The following ERBIN variants were observed in gnomAD, a reference collection of about 807,000 sequenced individuals.
ERBIN encodes erbb2 interacting protein, also known as densin-180-like protein.
A neutral mutation model predicts 158.4 loss-of-function variants in ERBIN; 60 were observed. The ratio of observed to expected loss-of-function variants is 0.38; its 90% CI spans 0.31 to 0.47. The LOEUF (loss-of-function observed/expected upper bound fraction) is 0.47. Among genes scored for constraint, ERBIN ranks in the 20% least tolerant of loss-of-function variants. The pLI is 0.99. For synonymous variants in ERBIN, 594 were observed against 557.2 expected (o/e 1.07, Z -0.93); for missense variants, 1,610 against 1,648.0 (o/e 0.98, Z 0.40).
rs572127963 is a variant in ERBIN at position 66,070,199 on chromosome 5, C to G, written c.3634-1970C>G. 5.9e-5 allele frequency among the ~76,000 whole-genome samples: 9 copies of G among 152,178 alleles called. No individual in the cohort carries two copies. In the East Asian group the frequency reaches 1.4e-3, roughly 23 times the overall value. On this transcript the variant is annotated intron_variant, in intron 21 of 25. Transcript: ENST00000284037. ...AGCTGGGATTACAGGTGCGCACCAC[C>G]ACACCCGGCTAATTTTTGCATTTTT...
chr5:65,998,230 A>AT (rs1257213899), intron 4 of ERBIN, among the ~76,000 whole-genome samples: 177 of 149,642 alleles, frequency 1.2e-3, no homozygotes, highest in African/African-American at 4.2e-3. Flanking sequence ...TCTCAAAAAA[A>AT]AATATATATA....
At chr5:65,947,204 T>C (rs962224199) in intron 1 of ERBIN, among the ~76,000 whole-genome samples, 1 of 152,186 alleles carries the variant, frequency 6.6e-6, no homozygotes, top group African/African-American at 2.4e-5. Flanking sequence ...TATGCATTTT[T>C]CTGAAAGTTT....
intron 9 of ERBIN, 143 bp from the exon 10 acceptor site, chr5:66,024,163 G>A (rs755345929): frequency 2.5e-5 from 14 of 551,512 alleles, no homozygotes; most frequent in Non-Finnish European, 4.4e-5. Context: ...ATTTCTAATG[G>A]CATTTAAAAA....
Position 65,945,930 on chromosome 5 carries a change from G to A in ERBIN, c.-58+19124G>A, listed in dbSNP as rs551633448. On this transcript the variant is annotated intron_variant, in intron 1 of 25. Transcript: ENST00000284037. The stretch of plus-strand genomic sequence containing the variant: ...TTCACAACCAGGATATTGGAATTTT[G>A]GTAGTCAAGATACAGAATAGTTCCA... 3.3e-5 allele frequency among the ~76,000 whole-genome samples: 5 copies of A among 152,244 alleles called. No individual in the cohort carries two copies. In the South Asian group the frequency reaches 1.0e-3, roughly 32 times the overall value.
At chr5:66,036,581 C>T (rs1252128164) in intron 14 of ERBIN, among the ~76,000 whole-genome samples, 3 of 152,072 alleles carry the variant, frequency 2.0e-5, no homozygotes, top group Admixed American at 6.6e-5. Flanking sequence ...CCCTGTCTAC[C>T]CTGTAATTTC....
intron 17 of ERBIN, among the ~76,000 whole-genome samples, 199 bp downstream of exon 17, chr5:66,044,509 A>G (rs1013871399): frequency 1.3e-5 from 2 of 151,986 alleles, no homozygotes; most frequent in African/African-American, 2.4e-5. Flanking sequence ...TCACACCTCT[A>G]ATCCCAGCAC....
chr5:66,036,742 A>G (rs1011464356), intron 14 of ERBIN, among the ~76,000 whole-genome samples: 4 of 152,202 alleles, frequency 2.6e-5, no homozygotes, highest in Non-Finnish European at 4.4e-5. Flanking sequence ...GCTCTTAGGA[A>G]ATATTCATTG....
intron 21 of ERBIN, among the ~76,000 whole-genome samples, chr5:66,057,292 G>A (rs903575524): frequency 6.6e-6 from 1 of 152,000 alleles, no homozygotes; most frequent in African/African-American, 2.4e-5. Context: ...AAATTAGATG[G>A]GTTAATACAT....
Position 66,046,233 on chromosome 5 carries a change from T to C in ERBIN, c.1603-120T>C, listed in dbSNP as rs1304818001. ...TCACAGGTTTCTATGTTTAAAGTTT[T>C]CATGTTTGAGATTAGTCCAGAATTG... On this transcript the variant is annotated intron_variant, in intron 17 of 25. Transcript: ENST00000284037. The C allele has an allele frequency of 1.2e-5, 6 of 516,862 alleles. No individual in the cohort carries two copies. The African/African-American group carries it at 1.2e-4, about 10-fold the overall frequency. The allele number at this position is 516,862 out of a possible 1,614,324, so 32.0% of individuals were successfully genotyped here.
At chr5:65,957,978 G>C (rs533940114) in intron 1 of ERBIN, among the ~76,000 whole-genome samples, 50 of 152,220 alleles carry the variant, frequency 3.3e-4, no homozygotes, top group African/African-American at 1.2e-3. Context: ...TCACCTCCCA[G>C]ACGGGGTCGC....
chr5:65,955,287 C>T (rs1746967040), intron 1 of ERBIN, among the ~76,000 whole-genome samples: 1 of 151,978 alleles, frequency 6.6e-6, no homozygotes, highest in African/African-American at 2.4e-5. Flanking sequence ...ATTTTTTTAG[C>T]TTTTGGCATT....
chr5:66,052,735 T>C (rs1213813771), intron 20 of ERBIN, among the ~76,000 whole-genome samples: 1 of 152,176 alleles, frequency 6.6e-6, no homozygotes, highest in Non-Finnish European at 1.5e-5. Flanking sequence ...AGAAATAAAA[T>C]ATTTTGTATA....
chr5:66,048,714 G>A lies in ERBIN; in HGVS notation c.1836G>A (p.Met612Ile). Residue 612 changes from methionine (M) to isoleucine (I), a missense_variant, in exon 19 of 26, where the codon ATG (methionine) becomes ATA (isoleucine). By Grantham distance (10) the Met-to-Ile change is conservative. Coordinates refer to ENST00000284037, the MANE Select transcript of ERBIN (RefSeq NM_001253697.2). ...ATGAAGAGATGAAAATGGCGGAGAT[G>A]CGACCACCATTAATTGAAACCTCTA... ...SSDEEMKMAE[M>I]RPPLIETSIN... The A allele has an allele frequency of 6.2e-7, 1 of 1,608,804 alleles. No homozygotes were observed.
intron 13 of ERBIN, 67 bp downstream of exon 13, chr5:66,026,484 T>G (rs1385357593): frequency 2.5e-6 from 2 of 797,392 alleles, no homozygotes; most frequent in Non-Finnish European, 3.9e-6. Flanking sequence ...AAGTTTCATA[T>G]GATATATAAT....
At chr5:65,941,599 TA>T (rs1181725894) in intron 1 of ERBIN, among the ~76,000 whole-genome samples, 23 of 151,638 alleles carry the variant, frequency 1.5e-4, no homozygotes, top group African/African-American at 5.1e-4. Flanking sequence ...AGCCTTTATT[TA>T]ATTATTGTAG....
intron 14 of ERBIN, among the ~76,000 whole-genome samples, chr5:66,035,186 T>C (rs1273512819): frequency 2.6e-5 from 4 of 152,196 alleles, no homozygotes; most frequent in African/African-American, 9.7e-5. Flanking sequence ...TCTCCTGAAA[T>C]TGCTATCTGT....
intron 1 of ERBIN, among the ~76,000 whole-genome samples, chr5:65,974,364 A>C (rs780243948): frequency 5.3e-5 from 8 of 152,202 alleles, no homozygotes; most frequent in Non-Finnish European, 1.0e-4. Flanking sequence ...TGATTATTAG[A>C]AAGCAAGCAT....
intron 5 of ERBIN, among the ~76,000 whole-genome samples, chr5:66,012,612 G>T (rs888709427): frequency 6.6e-6 from 1 of 152,204 alleles, no homozygotes; most frequent in African/African-American, 2.4e-5. Context: ...GTCCATTTAT[G>T]ATGGTGATGA....
intron 4 of ERBIN, among the ~76,000 whole-genome samples, chr5:66,004,107 T>A (rs2151082291): frequency 6.7e-6 from 1 of 149,204 alleles, no homozygotes; most frequent in Non-Finnish European, 1.5e-5. Context: ...TCGGCTATTT[T>A]TTTTTTTTTT....
Sources: gnomAD v4.1 joint callset for allele counts (sites outside exome capture counted in the v4.1 genomes callset) on GRCh38, gnomAD v4.1.1 for gene constraint, MANE v1.5 for transcripts, NCBI Gene and HGNC (gene_info 2026-07-23, HGNC 2026-07-21) for gene names.